Variants in NELL1 observed in about 807,000 individuals in gnomAD.
NELL1 encodes the protein protein kinase C-binding protein NELL1.
NELL1 carries 76 observed loss-of-function variants against 107.4 expected under a neutral mutation model. That is an observed-to-expected ratio of 0.71 (90% CI 0.59 to 0.86). The LOEUF (loss-of-function observed/expected upper bound fraction) is 0.86. Ranked by LOEUF, NELL1 falls within the 40% of genes least tolerant of loss-of-function variation. The pLI is 0.00. For synonymous variants in NELL1, 353 were observed against 341.2 expected, an observed-to-expected ratio of 1.03 and a Z score of -0.38; for missense variants, 1,024 against 1,005.5, an observed-to-expected ratio of 1.02 and a Z score of -0.25.
intron 9 of NELL1, among the ~76,000 whole-genome samples, chr11:20,936,915 C>G (rs1357754174): frequency 1.3e-5 from 2 of 152,118 alleles, no homozygotes; most frequent in Non-Finnish European, 2.9e-5. Flanking sequence ...GGTGAGATCT[C>G]TTAGAGTGCG....
rs554194281 is a variant in NELL1 at position 21,111,009 on chromosome 11, G to A, written c.1301-2580G>A. 6.6e-4 allele frequency among the ~76,000 whole-genome samples: 100 copies of A among 152,172 alleles called. No individual in the cohort carries two copies. In the South Asian group the frequency reaches 8.7e-3, roughly 13 times the overall value. ...ATTTTTCCAGTTTCATTTCAAATAC[G>A]CAAAGCTCCTTTTTGTAATTAAGTC... On this transcript the variant is annotated intron_variant, in intron 12 of 19. Coordinates refer to ENST00000357134, the MANE Select transcript of NELL1 (RefSeq NM_006157.5).
chr11:20,799,659 GTGTATGTA>G lies in NELL1; in HGVS notation c.335+15847_335+15854del, dbSNP rs55778551. 4.6e-5 allele frequency among the ~76,000 whole-genome samples: 7 copies of G among 151,042 alleles called. No individual in the cohort carries two copies. The East Asian group carries it at 9.8e-4, about 21-fold the overall frequency. Reference sequence around the variant, plus strand: ...TGGAGACAGCCAGAAGTATGTATGTGTGTATGTATGTATGTATGTATGTATTATTACTA... The same window carrying G: ...TGGAGACAGCCAGAAGTATGTATGTGTGTATGTATGTATGTATTATTACTA... On this transcript the variant is annotated intron_variant, in intron 3 of 19. Transcript: ENST00000357134.
intron 14 of NELL1, among the ~76,000 whole-genome samples, chr11:21,275,730 G>T (rs1336398851): frequency 6.6e-6 from 1 of 152,206 alleles, no homozygotes; most frequent in Non-Finnish European, 1.5e-5. Flanking sequence ...TCTCTGGGAT[G>T]CAAGGCTGGT....
At chr11:21,374,877 C>CTGTGTGTGTGTGTGTGTGTG (rs1237241848) in intron 15 of NELL1, among the ~76,000 whole-genome samples, 1 of 89,808 alleles carries the variant, frequency 1.1e-5, no homozygotes, top group South Asian at 5.3e-4. Context: ...GTGGAACTGA[C>CTGTGTGTGTGTGTGTGTGTG]TGTGTGTGTC....
intron 13 of NELL1, among the ~76,000 whole-genome samples, chr11:21,219,437 TA>T (rs1857697244): frequency 6.6e-6 from 1 of 152,190 alleles, no homozygotes; most frequent in African/African-American, 2.4e-5. Flanking sequence ...AGGTTGTCTC[TA>T]TACTCTGTTG....
chr11:21,279,951 A>G (rs1848956032), intron 14 of NELL1, among the ~76,000 whole-genome samples: 2 of 152,254 alleles, frequency 1.3e-5, no homozygotes, highest in Non-Finnish European at 2.9e-5. Flanking sequence ...ACTAGGTGAC[A>G]GAAGCCGATC....
intron 15 of NELL1, among the ~76,000 whole-genome samples, chr11:21,473,452 A>G (rs971729705): frequency 1.3e-5 from 2 of 152,080 alleles, no homozygotes; most frequent in African/African-American, 2.4e-5. Context: ...TGTCATTCTT[A>G]TATTATTTCA....
chr11:21,033,493 T>C (rs12287993), intron 12 of NELL1, among the ~76,000 whole-genome samples: 5,210 of 152,200 alleles, frequency 0.034, 313 homozygotes, highest in African/African-American at 0.12. Flanking sequence ...TGGTATTTGA[T>C]TTTCTGTTTC....
rs531293613 is a variant in NELL1 at position 21,244,959 on chromosome 11, G to A, written c.1549+15505G>A. Reference sequence around the variant, plus strand: ...CCATGGATTGTTTTTAAGATTAAATGGAGTGTACTGCTTAGGGCACATCCT... The same window carrying A: ...CCATGGATTGTTTTTAAGATTAAATAGAGTGTACTGCTTAGGGCACATCCT... On this transcript the variant is annotated intron_variant, in intron 14 of 19. Coordinates refer to ENST00000357134, the MANE Select transcript of NELL1 (RefSeq NM_006157.5). Among the ~76,000 whole-genome samples the A allele has an allele frequency of 1.1e-4, 17 of 152,202 alleles. No individual in the cohort carries two copies. In the South Asian group the frequency reaches 3.3e-3, roughly 30 times the overall value.
rs540509096 is a variant in NELL1 at position 20,669,685 on chromosome 11, G to C, written c.-39G>C. 1 of 1,588,096 alleles carries C rather than the reference G, an allele frequency of 6.3e-7. No homozygotes were observed. The highest frequency in any genetic ancestry group is 2.2e-5 in the East Asian group (1 of 44,576). ...ATCCAGGCTCATTTGCTTCCACCTA[G>C]CTTCGGTGCCCCCTGCTAGGCGGGG... On this transcript the variant is annotated 5_prime_UTR_variant, in exon 1 of 20. Coordinates refer to ENST00000357134, the MANE Select transcript of NELL1 (RefSeq NM_006157.5). This position sits in a 1 kb window ranked among gnomAD's most constrained non-coding sequence, Gnocchi z 4.4.
At chr11:20,900,686 A>T (rs1335145123) in intron 5 of NELL1, among the ~76,000 whole-genome samples, 1 of 152,188 alleles carries the variant, frequency 6.6e-6, no homozygotes, top group Non-Finnish European at 1.5e-5. Context: ...AAGCCAATTT[A>T]CTTTTGAACA....
chr11:21,276,586 C>T (rs572008194), intron 14 of NELL1, among the ~76,000 whole-genome samples: 6 of 152,220 alleles, frequency 3.9e-5, no homozygotes, highest in Non-Finnish European at 8.8e-5. Context: ...GCCTGCATTG[C>T]CAAGTCAATC....
intron 14 of NELL1, among the ~76,000 whole-genome samples, chr11:21,279,106 C>T (rs970784095): frequency 3.3e-5 from 5 of 152,060 alleles, no homozygotes; most frequent in African/African-American, 1.2e-4. Flanking sequence ...AGACACAGAT[C>T]TTAAAACTCT....
chr11:20,963,522 G>C (rs1851330192), intron 12 of NELL1, among the ~76,000 whole-genome samples: 1 of 152,032 alleles, frequency 6.6e-6, no homozygotes, highest in South Asian at 2.1e-4. Context: ...TAGGGTTTTA[G>C]CAACCATTCT....
chr11:20,781,116 T>C (rs1028294613), intron 2 of NELL1, among the ~76,000 whole-genome samples: 1 of 152,116 alleles, frequency 6.6e-6, no homozygotes, highest in African/African-American at 2.4e-5. Context: ...GGAGCAATGA[T>C]AGTGGCTTGG....
At chr11:20,814,082 A>G (rs1053947466) in intron 3 of NELL1, among the ~76,000 whole-genome samples, 21 of 151,388 alleles carry the variant, frequency 1.4e-4, no homozygotes, top group African/African-American at 4.1e-4. Flanking sequence ...TGCAAGCTCC[A>G]CCTCCCGGGT....
intron 13 of NELL1, among the ~76,000 whole-genome samples, chr11:21,201,244 T>G (rs990022402): frequency 1.4e-4 from 22 of 152,218 alleles, no homozygotes; most frequent in African/African-American, 5.3e-4. Context: ...TTCACAATAT[T>G]GAGTTTTCCC....
chr11:21,369,070 C>T (rs748737513), intron 14 of NELL1, among the ~76,000 whole-genome samples: 3 of 151,998 alleles, frequency 2.0e-5, no homozygotes, highest in South Asian at 2.1e-4. Context: ...CATCAAGTCT[C>T]CTAACCAGGT....
At chr11:21,359,187 A>G (rs1408168241) in intron 14 of NELL1, among the ~76,000 whole-genome samples, 2 of 152,146 alleles carry the variant, frequency 1.3e-5, no homozygotes, top group African/African-American at 4.8e-5. Flanking sequence ...TTTAATCATA[A>G]AGTCACACTG....
Sources: gnomAD v4.1 joint callset for allele counts (sites outside exome capture counted in the v4.1 genomes callset) on GRCh38, gnomAD v4.1.1 for gene constraint, Gnocchi (gnomAD v3.1) non-coding constraint, MANE v1.5 for transcripts, NCBI Gene and HGNC (gene_info 2026-07-23, HGNC 2026-07-21) for gene names.